Variants in KANSL1 observed in about 807,000 individuals in gnomAD.
KANSL1 encodes MLL1/MLL complex subunit KANSL1.
A neutral mutation model predicts 103.6 loss-of-function variants in KANSL1; 22 were observed. That is an observed-to-expected ratio of 0.21 (90% CI 0.15 to 0.30). The LOEUF (loss-of-function observed/expected upper bound fraction) is 0.30. Ranked by LOEUF, KANSL1 falls within the 10% of genes least tolerant of loss-of-function variation. The pLI is 1.00. For missense variants in KANSL1, 1,337 were observed against 1,399.8 expected, an observed-to-expected ratio of 0.96 and a Z score of 0.72; for synonymous variants, 600 against 527.6, an observed-to-expected ratio of 1.14 and a Z score of -1.88.
intron 2 of KANSL1, among the ~76,000 whole-genome samples, chr17:46,122,215 A>G (rs2043311709): frequency 1.3e-5 from 2 of 152,222 alleles, no homozygotes; most frequent in South Asian, 4.1e-4. Flanking sequence ...AGTTCCTTTG[A>G]CTCTCTTAAA....
At chr17:46,193,952 G>A, upstream of KANSL1, 1 of 158,010 alleles carries the variant, frequency 6.3e-6, no homozygotes, top group Non-Finnish European at 1.4e-5. Context: ...CAGTGAAGCG[G>A]CTTCCGCCGC....
At chr17:46,122,662 T>C (rs2043333491) in intron 2 of KANSL1, among the ~76,000 whole-genome samples, 1 of 152,186 alleles carries the variant, frequency 6.6e-6, no homozygotes, top group Non-Finnish European at 1.5e-5. Context: ...ATCAAGCAAG[T>C]CTATTAGCGT....
At position 46,031,057 on chromosome 17, in the gene KANSL1, A is replaced by C. The variant is rs1256070945; in HGVS notation, c.*419T>G. On this transcript the variant is annotated 3_prime_UTR_variant, in exon 15 of 15. Transcript: ENST00000432791. ...AGCCACAGATGGGAGGGGAGGGGGTAAGAGTCCAGAGCACCCTGCCCCATT... is the reference window on the plus strand; with the variant it reads ...AGCCACAGATGGGAGGGGAGGGGGTCAGAGTCCAGAGCACCCTGCCCCATT... The C allele has an allele frequency of 1.8e-5, 3 of 169,544 alleles. No homozygotes were observed. The highest frequency in any genetic ancestry group is 3.8e-5 in the Non-Finnish European group (3 of 78,622). 10.5% of individuals were successfully genotyped at this position (169,544 alleles called of 1,614,324 possible). A position where few individuals can be genotyped will look rare whatever the true frequency, so the allele number is the denominator to read the frequency against.
chr17:46,145,981 G>A (rs1327759275), intron 2 of KANSL1, among the ~76,000 whole-genome samples: 14 of 152,104 alleles, frequency 9.2e-5, no homozygotes, highest in Admixed American at 3.9e-4. Flanking sequence ...CTCCCACCTT[G>A]GCCCCCTCAA....
At chr17:46,148,482 C>T (rs891160519) in intron 2 of KANSL1, among the ~76,000 whole-genome samples, 12 of 152,212 alleles carry the variant, frequency 7.9e-5, no homozygotes, top group Admixed American at 1.3e-4. Flanking sequence ...TCAAGATCAG[C>T]GCTCTGAACT....
chr17:46,096,166 G>T (rs1463899366), intron 2 of KANSL1, among the ~76,000 whole-genome samples: 2 of 146,102 alleles, frequency 1.4e-5, no homozygotes, highest in Non-Finnish European at 1.5e-5. Context: ...GAGAGGCAGG[G>T]TCTCACACTC....
At chr17:46,087,749 C>T (rs1045936897) in intron 3 of KANSL1, among the ~76,000 whole-genome samples, 9 of 152,178 alleles carry the variant, frequency 5.9e-5, no homozygotes, top group African/African-American at 1.9e-4. Flanking sequence ...ATTAACTATA[C>T]ACTTAATGAC....
chr17:46,033,100 T>C lies in KANSL1; in HGVS notation c.2817A>G (p.Pro939=). ...ATCACCTGCTGCCCCGCCGCTGGGG[T>C]GGCACACTCGTGGTCCACAGCCACC... ...RARWLWTTSV[P]PQRRGSRSYR... Residue 939 remains proline (P), a synonymous_variant, in exon 13 of 15, where the codon CCA becomes CCG. Transcript: ENST00000432791. The C allele has an allele frequency of 6.3e-7, 1 of 1,593,444 alleles. No individual in the cohort carries two copies. The highest frequency in any genetic ancestry group is 8.6e-7 in the Non-Finnish European group (1 of 1,169,500).
chr17:46,082,604 G>A (rs943805007), intron 3 of KANSL1, 62 bp from the exon 4 acceptor site: 2 of 955,812 alleles, frequency 2.1e-6, no homozygotes, highest in South Asian at 1.6e-5. Context: ...ATTTAATTTA[G>A]GAGTTAAGTC....
chr17:46,062,840 A>C (rs2078228152), intron 6 of KANSL1, among the ~76,000 whole-genome samples: 1 of 151,738 alleles, frequency 6.6e-6, no homozygotes, highest in Admixed American at 6.6e-5. Flanking sequence ...ACTTGAGGTC[A>C]GGAGTTCGAG....
intron 6 of KANSL1, among the ~76,000 whole-genome samples, chr17:46,065,325 T>C (rs915087374): frequency 1.3e-5 from 2 of 152,108 alleles, no homozygotes; most frequent in Non-Finnish European, 1.5e-5. Context: ...TTATTTTCTT[T>C]CTCTTAACAA....
At chr17:46,174,504 A>T (rs1401540956) in intron 1 of KANSL1, among the ~76,000 whole-genome samples, 1 of 152,244 alleles carries the variant, frequency 6.6e-6, no homozygotes, top group Non-Finnish European at 1.5e-5. Flanking sequence ...TTTAAAAGCC[A>T]TTTCTGATTT....
chr17:46,123,419 T>G (rs562011524), intron 2 of KANSL1, among the ~76,000 whole-genome samples: 1 of 152,282 alleles, frequency 6.6e-6, no homozygotes, highest in South Asian at 2.1e-4. Context: ...CTAGAAGTGA[T>G]TAAGCTTCTG....
At chr17:46,191,464 TTAAC>T (rs1272650599) in intron 1 of KANSL1, among the ~76,000 whole-genome samples, 1 of 152,222 alleles carries the variant, frequency 6.6e-6, no homozygotes, top group Non-Finnish European at 1.5e-5. Flanking sequence ...TAGTGGTCCT[TTAAC>T]TGACCCAAAA....
intron 7 of KANSL1, chr17:46,043,366 G>C (rs1161998875): frequency 6.6e-6 from 1 of 151,930 alleles, no homozygotes; most frequent in African/African-American, 2.4e-5. Context: ...GCAATGACTA[G>C]AAACAAGTAG....
chr17:46,136,577 C>T (rs1391068964), intron 2 of KANSL1, among the ~76,000 whole-genome samples: 4 of 152,228 alleles, frequency 2.6e-5, no homozygotes, highest in Admixed American at 6.5e-5. Flanking sequence ...AGACTGGATG[C>T]CCAAAGGCCA....
chr17:46,168,510 A>G (rs2696659), intron 2 of KANSL1, among the ~76,000 whole-genome samples: 21,963 of 152,086 alleles, frequency 0.14, 2,137 homozygotes, highest in Middle Eastern at 0.22. Flanking sequence ...ACCACGCCCA[A>G]CTAATTTTGT....
chr17:46,048,185 G>A (rs2077584164), intron 7 of KANSL1, among the ~76,000 whole-genome samples: 1 of 152,096 alleles, frequency 6.6e-6, no homozygotes, highest in Non-Finnish European at 1.5e-5. Context: ...CAGGATTACA[G>A]GTGTGAGCCA....
At chr17:46,215,684 G>A (rs1200180935) in intron 1 of KANSL1, among the ~76,000 whole-genome samples, 11 of 152,182 alleles carry the variant, frequency 7.2e-5, no homozygotes, top group Non-Finnish European at 2.9e-5. Context: ...TGACACTACC[G>A]CTCACTAAGA....
Sources: allele counts gnomAD v4.1 joint callset (sites outside exome capture counted in the v4.1 genomes callset), GRCh38; gene constraint gnomAD v4.1.1; transcripts MANE v1.5; gene names NCBI Gene and HGNC (gene_info 2026-07-23, HGNC 2026-07-21).